MAML2: variants seen among roughly 807,000 people sequenced by gnomAD.
The protein encoded by MAML2 is mastermind-like protein 2.
A neutral mutation model predicts 96.1 loss-of-function variants in MAML2; 22 were observed. The ratio of observed to expected loss-of-function variants is 0.23; its 90% CI spans 0.16 to 0.33. MAML2 has a LOEUF of 0.33. Among genes scored for constraint, MAML2 ranks in the 10% least tolerant of loss-of-function variants. The probability of loss-of-function intolerance (pLI) is 1.00; values close to 1 mark genes in which losing one functional copy is unlikely to be tolerated. For missense variants in MAML2, 1,367 were observed against 1,392.4 expected, an observed-to-expected ratio of 0.98 and a Z score of 0.29; for synonymous variants, 561 against 521.3, an observed-to-expected ratio of 1.08 and a Z score of -1.04.
intron 1 of MAML2, among the ~76,000 whole-genome samples, chr11:96,110,403 CTTTATG>C (rs1266631999): frequency 2.0e-5 from 3 of 152,182 alleles, no homozygotes; most frequent in African/African-American, 7.2e-5. Flanking sequence ...AATTCTTTCA[CTTTATG>C]TTGTTCCTAG....
chr11:96,308,113 C>G lies in MAML2; in HGVS notation c.513+33270G>C, dbSNP rs1321455749. ...GTTATAGTTTACATTTGGGATCACC[C>G]GACCTCAGAAATCAAAATTTCAGAG... On this transcript the variant is annotated intron_variant, in intron 1 of 4. Coordinates refer to ENST00000524717, the MANE Select transcript of MAML2 (RefSeq NM_032427.4). 2.0e-5 allele frequency among the ~76,000 whole-genome samples: 3 copies of G among 152,166 alleles called. No individual in the cohort carries two copies. The East Asian group carries it at 5.8e-4, about 29-fold the overall frequency.
intron 1 of MAML2, among the ~76,000 whole-genome samples, chr11:96,325,455 TTCTCCAAG>T (rs1162182178): frequency 6.6e-6 from 1 of 152,212 alleles, no homozygotes. Flanking sequence ...ATTTCTCAAC[TTCTCCAAG>T]TCTGTTTCAC....
In MAML2 at chr11:96,299,056, A is replaced by ATATATAT. The variant is rs1191083053; in HGVS notation, c.513+42326_513+42327insATATATA. ...CGAGAGTCCATCTCAAAAAAAAAAA[A>ATATATAT]AAAAATATATATATATATATATATA... is the stretch of plus-strand genomic sequence containing the variant. On this transcript the variant is annotated intron_variant, in intron 1 of 4. Coordinates refer to ENST00000524717, the MANE Select transcript of MAML2 (RefSeq NM_032427.4). 2.0e-3 allele frequency among the ~76,000 whole-genome samples: 97 copies of ATATATAT among 49,674 alleles called. No homozygotes were observed. In the South Asian group the frequency reaches 0.024, roughly 12 times the overall value. 32.6% of individuals were successfully genotyped at this position (49,674 alleles called of 152,430 possible).
chr11:96,027,904 G>T (rs546975765), intron 2 of MAML2, among the ~76,000 whole-genome samples: 1 of 151,798 alleles, frequency 6.6e-6, no homozygotes, highest in Non-Finnish European at 1.5e-5. Context: ...GCTCATTTTC[G>T]TATTTTTTGT....
At chr11:96,020,415 G>T (rs1368960036) in intron 2 of MAML2, among the ~76,000 whole-genome samples, 2 of 152,190 alleles carry the variant, frequency 1.3e-5, no homozygotes, top group South Asian at 2.1e-4. Flanking sequence ...GTATCAAAAT[G>T]TATCTAACTT....
chr11:96,339,613 G>A (rs768458007), intron 1 of MAML2, among the ~76,000 whole-genome samples: 5 of 152,136 alleles, frequency 3.3e-5, no homozygotes, highest in South Asian at 2.1e-4. Context: ...CCTCACTTGC[G>A]GTTCCATCCC....
At chr11:96,011,849 T>C (rs148571092) in intron 2 of MAML2, among the ~76,000 whole-genome samples, 93 of 152,216 alleles carry the variant, frequency 6.1e-4, no homozygotes, top group African/African-American at 2.1e-3. Flanking sequence ...GAGTTGGTGG[T>C]TTAAGAATTT....
intron 2 of MAML2, among the ~76,000 whole-genome samples, chr11:96,077,221 T>C (rs80336322): frequency 1.0e-4 from 13 of 128,078 alleles, no homozygotes; most frequent in Admixed American, 4.5e-4. Flanking sequence ...CTCTCTCTCT[T>C]TTTTTTTTTT....
At chr11:96,311,710 A>C (rs892849715) in intron 1 of MAML2, among the ~76,000 whole-genome samples, 2 of 152,232 alleles carry the variant, frequency 1.3e-5, no homozygotes, top group Non-Finnish European at 2.9e-5. Context: ...ACTTTGTTAT[A>C]ATAGGGAGAA....
At chr11:96,335,556 TAAATAGCAAGGCATTA>T (rs1863910148) in intron 1 of MAML2, among the ~76,000 whole-genome samples, 2 of 152,178 alleles carry the variant, frequency 1.3e-5, no homozygotes, top group Non-Finnish European at 2.9e-5. Flanking sequence ...GGAGAATGTG[TAAATAGCAAGGCATTA>T]AGCAGCTCAA....
At chr11:96,204,067 C>T (rs906001470) in intron 1 of MAML2, among the ~76,000 whole-genome samples, 1 of 151,774 alleles carries the variant, frequency 6.6e-6, no homozygotes, top group Non-Finnish European at 1.5e-5. Context: ...CATCCCTAGG[C>T]CTGAAGGACT....
chr11:96,195,963 T>C (rs1861724597), intron 1 of MAML2, among the ~76,000 whole-genome samples: 1 of 152,240 alleles, frequency 6.6e-6, no homozygotes, highest in South Asian at 2.1e-4. Context: ...GTTGTGTTTA[T>C]AGAATTGAAA....
chr11:96,172,380 C>T (rs1356176278), intron 1 of MAML2, among the ~76,000 whole-genome samples: 5 of 152,228 alleles, frequency 3.3e-5, no homozygotes, highest in Non-Finnish European at 7.3e-5. Context: ...TTCAGAGAGT[C>T]TCCTTCTCAG....
chr11:96,028,650 C>A (rs1858563320), intron 2 of MAML2, among the ~76,000 whole-genome samples: 1 of 152,016 alleles, frequency 6.6e-6, no homozygotes, highest in Admixed American at 6.5e-5. Context: ...AACTTTTTTT[C>A]TTCTAGAAAA....
At chr11:96,018,981 G>A (rs189097996) in intron 2 of MAML2, among the ~76,000 whole-genome samples, 6 of 152,298 alleles carry the variant, frequency 3.9e-5, no homozygotes, top group African/African-American at 4.8e-5. Context: ...AGACAAAAAC[G>A]TGATTGAAAT....
chr11:96,019,136 T>C (rs976376686), intron 2 of MAML2, among the ~76,000 whole-genome samples: 1 of 152,096 alleles, frequency 6.6e-6, no homozygotes, highest in African/African-American at 2.4e-5. Flanking sequence ...TTTCTTAAGG[T>C]GAGTTTTAGG....
At chr11:96,187,289 A>T (rs1388292161) in intron 1 of MAML2, among the ~76,000 whole-genome samples, 1 of 152,260 alleles carries the variant, frequency 6.6e-6, no homozygotes, top group Non-Finnish European at 1.5e-5. Flanking sequence ...GTTTTCTCAG[A>T]CTTTCAAATT....
intron 2 of MAML2, among the ~76,000 whole-genome samples, chr11:96,075,492 T>C (rs1272925976): frequency 1.3e-5 from 2 of 152,188 alleles, no homozygotes; most frequent in African/African-American, 4.8e-5. Flanking sequence ...TCTATTTTCA[T>C]ACCCTCCAAG....
chr11:96,330,923 A>C (rs1173307715), intron 1 of MAML2, among the ~76,000 whole-genome samples: 2 of 152,162 alleles, frequency 1.3e-5, no homozygotes, highest in Non-Finnish European at 2.9e-5. Flanking sequence ...GGAGTGGCAA[A>C]GTTACATTAC....
Sources: allele counts gnomAD v4.1 joint callset (sites outside exome capture counted in the v4.1 genomes callset), GRCh38; gene constraint gnomAD v4.1.1; transcripts MANE v1.5; gene names NCBI Gene and HGNC (gene_info 2026-07-23, HGNC 2026-07-21).